LYPD6B: variants seen among roughly 807,000 people sequenced by gnomAD.
The protein encoded by LYPD6B is ly6/PLAUR domain-containing protein 6B.
In LYPD6B, 17 loss-of-function variants were observed where a neutral mutation model predicts 22.8. That is an observed-to-expected ratio of 0.75 (90% CI 0.51 to 1.12). The LOEUF is 1.12. Among genes scored for constraint, LYPD6B ranks in the 50% most tolerant of loss-of-function variants. The pLI is 0.00. For missense variants in LYPD6B, 221 were observed against 258.3 expected, an observed-to-expected ratio of 0.86 and a Z score of 0.99; for synonymous variants, 106 against 91.6, an observed-to-expected ratio of 1.16 and a Z score of -0.90.
At chr2:149,205,515 T>C in intron 4 of LYPD6B, 111 bp downstream of exon 4, 1 of 1,191,406 alleles carries the variant, frequency 8.4e-7, no homozygotes, top group Admixed American at 2.3e-5. Context: ...ATTTGTTTTA[T>C]CCCTAGAATA....
At chr2:149,042,247 A>G (rs538171855) in intron 1 of LYPD6B, among the ~76,000 whole-genome samples, 1 of 152,364 alleles carries the variant, frequency 6.6e-6, no homozygotes, top group African/African-American at 2.4e-5. Context: ...AGCCTCTACC[A>G]TGAACTGCTT....
At chr2:149,112,826 G>A (rs958292539) in intron 1 of LYPD6B, among the ~76,000 whole-genome samples, 5 of 152,190 alleles carry the variant, frequency 3.3e-5, no homozygotes, top group Non-Finnish European at 7.3e-5. Flanking sequence ...AATGTTAGCA[G>A]TGTTTGGTTC....
chr2:149,083,375 C>G (rs1283384441), intron 1 of LYPD6B, among the ~76,000 whole-genome samples: 3 of 152,194 alleles, frequency 2.0e-5, no homozygotes, highest in Non-Finnish European at 4.4e-5. Flanking sequence ...CTAATAATAT[C>G]TAGCACATTT....
chr2:149,083,058 C>T (rs953608769), intron 1 of LYPD6B, among the ~76,000 whole-genome samples: 1 of 152,174 alleles, frequency 6.6e-6, no homozygotes, highest in African/African-American at 2.4e-5. Flanking sequence ...ATCCACGTCT[C>T]CAGGCTAAAG....
chr2:149,044,834 T>C (rs1041227501), intron 1 of LYPD6B, among the ~76,000 whole-genome samples: 2 of 19,074 alleles, frequency 1.0e-4, no homozygotes, highest in Non-Finnish European at 1.8e-3. Flanking sequence ...TTGAATTTTA[T>C]TGAATGCTTT....
rs1335237213 is a variant in LYPD6B at position 149,214,958 on chromosome 2, G to A, written c.*248G>A. On this transcript the variant is annotated 3_prime_UTR_variant, in exon 7 of 7. Coordinates refer to ENST00000409642, the MANE Select transcript of LYPD6B (RefSeq NM_177964.5). ...AGGCTTCCTGGTCAAAGAGAGCTAC[G>A]TTTGGGCAGTTCTGCAGAGAGGATC... is the stretch of plus-strand genomic sequence containing the variant. The A allele has an allele frequency of 5.8e-6, 3 of 520,684 alleles. No individual in the cohort carries two copies. The highest frequency in any genetic ancestry group is 1.9e-5 in the African/African-American group (1 of 52,506). 32.3% of individuals were successfully genotyped at this position (520,684 alleles called of 1,614,324 possible). A position where few individuals can be genotyped will look rare whatever the true frequency, so the allele number is the denominator to read the frequency against.
At chr2:149,181,048 T>C (rs924287482) in intron 3 of LYPD6B, among the ~76,000 whole-genome samples, 1 of 152,168 alleles carries the variant, frequency 6.6e-6, no homozygotes, top group African/African-American at 2.4e-5. Flanking sequence ...TCAAAGATCC[T>C]AAAAGGAGCA....
intron 2 of LYPD6B, among the ~76,000 whole-genome samples, chr2:149,141,141 A>G (rs115751512): frequency 1.8e-3 from 275 of 151,886 alleles, no homozygotes; most frequent in African/African-American, 6.4e-3. Context: ...TTGATAGGGT[A>G]GAATATTCTT....
chr2:149,093,668 T>C (rs1439032226), intron 1 of LYPD6B, among the ~76,000 whole-genome samples: 1 of 152,216 alleles, frequency 6.6e-6, no homozygotes, highest in Non-Finnish European at 1.5e-5. Context: ...CATCACATTG[T>C]CTTCATTACC....
chr2:149,186,522 G>C (rs1692114991), intron 3 of LYPD6B, among the ~76,000 whole-genome samples: 1 of 152,228 alleles, frequency 6.6e-6, no homozygotes. Context: ...AGGAGGTGCT[G>C]ATGAAGAAGC....
Position 149,066,001 on chromosome 2 carries a change from C to T in LYPD6B, c.-67+27200C>T, listed in dbSNP as rs539435665. Among the ~76,000 whole-genome samples the T allele has an allele frequency of 2.0e-4, 31 of 152,182 alleles. 2 individuals carry two copies. The South Asian group carries it at 4.8e-3, about 23-fold the overall frequency. On this transcript the variant is annotated intron_variant, in intron 1 of 6. Coordinates refer to ENST00000409642, the MANE Select transcript of LYPD6B (RefSeq NM_177964.5). The stretch of plus-strand genomic sequence containing the variant: ...TGTCGGGATTACGAGTCTGAGCTAC[C>T]GCACTCGGCCCTAATAAAATTTTAT...
At chr2:149,041,164 G>A (rs980389366) in intron 1 of LYPD6B, among the ~76,000 whole-genome samples, 3 of 142,294 alleles carry the variant, frequency 2.1e-5, no homozygotes, top group African/African-American at 7.6e-5. Context: ...AGGCCATGTG[G>A]TAGGATTCCA....
At chr2:149,186,700 A>G (rs895193897) in intron 3 of LYPD6B, among the ~76,000 whole-genome samples, 1 of 152,088 alleles carries the variant, frequency 6.6e-6, no homozygotes, top group African/African-American at 2.4e-5. Context: ...AACTTTCTGG[A>G]CTCAAGTAAG....
At chr2:149,185,057 T>C (rs58616959) in intron 3 of LYPD6B, among the ~76,000 whole-genome samples, 4,730 of 152,324 alleles carry the variant, frequency 0.031, 243 homozygotes, top group African/African-American at 0.11. Context: ...GAAAGATTAC[T>C]CCTGCCATCA....
intron 1 of LYPD6B, among the ~76,000 whole-genome samples, chr2:149,078,520 C>G (rs946341485): frequency 6.6e-6 from 1 of 152,106 alleles, no homozygotes; most frequent in East Asian, 1.9e-4. Context: ...CCACATAACA[C>G]AAGGGGAAAC....
intron 3 of LYPD6B, among the ~76,000 whole-genome samples, chr2:149,163,500 A>G (rs1482009236): frequency 6.6e-6 from 1 of 152,204 alleles, no homozygotes; most frequent in Non-Finnish European, 1.5e-5. Context: ...AAGAACCTTT[A>G]GCATCATGGC....
chr2:149,065,091 G>T (rs1163477016), intron 1 of LYPD6B, among the ~76,000 whole-genome samples: 1 of 152,188 alleles, frequency 6.6e-6, no homozygotes, highest in Non-Finnish European at 1.5e-5. Context: ...GAACTGTTTT[G>T]AAGTTCACCC....
intron 1 of LYPD6B, chr2:149,068,979 TC>T (rs1684468582): frequency 1.0e-5 from 2 of 193,278 alleles, no homozygotes; most frequent in African/African-American, 4.7e-5. Flanking sequence ...TCCACACTGT[TC>T]CAGATCACTT....
chr2:149,174,269 A>T (rs560789578), intron 3 of LYPD6B, among the ~76,000 whole-genome samples: 57 of 152,260 alleles, frequency 3.7e-4, no homozygotes, highest in South Asian at 8.3e-4. Flanking sequence ...CTTATCAGCT[A>T]AAGAAGCTTT....
Sources: allele counts gnomAD v4.1 joint callset (sites outside exome capture counted in the v4.1 genomes callset), GRCh38; gene constraint gnomAD v4.1.1; transcripts MANE v1.5; gene names NCBI Gene and HGNC (gene_info 2026-07-23, HGNC 2026-07-21).